PTGIS: variants seen among roughly 807,000 people sequenced by gnomAD.
PTGIS encodes the protein prostacyclin synthase.
Under a neutral mutation model 50.3 loss-of-function variants are expected in PTGIS, and 45 were observed. That is an observed-to-expected ratio of 0.90 (90% CI 0.70 to 1.15). The LOEUF (loss-of-function observed/expected upper bound fraction) is 1.15, where lower values mean the gene tolerates loss of function less well. Among genes scored for constraint, PTGIS ranks in the 50% most tolerant of loss-of-function variants. The probability of loss-of-function intolerance (pLI) is 0.00; values close to 1 mark genes in which losing one functional copy is unlikely to be tolerated. For missense variants in PTGIS, 668 were observed against 661.3 expected (o/e 1.01, Z -0.11); for synonymous variants, 260 against 267.7 (o/e 0.97, Z 0.28).
intron 7 of PTGIS, 48 bp from the exon 8 acceptor site, chr20:49,513,309 T>A (rs1215134086): frequency 6.3e-7 from 1 of 1,579,474 alleles, no homozygotes; most frequent in Non-Finnish European, 8.6e-7. Context: ...TCCCTTCACC[T>A]GCTCATATGC....
At chr20:49,567,577 A>G (rs993258342) in intron 1 of PTGIS, among the ~76,000 whole-genome samples, 3 of 152,172 alleles carry the variant, frequency 2.0e-5, no homozygotes, top group Non-Finnish European at 4.4e-5. Context: ...GGCTATCCCT[A>G]TAGGACTGCC....
intron 1 of PTGIS, among the ~76,000 whole-genome samples, chr20:49,556,778 T>C (rs1039898792): frequency 9.9e-5 from 15 of 152,190 alleles, no homozygotes; most frequent in African/African-American, 3.4e-4. Flanking sequence ...CTAATGTTTT[T>C]CCATTTTTAT....
At chr20:49,519,560 G>A (rs1375782793) in intron 6 of PTGIS, among the ~76,000 whole-genome samples, 2 of 151,000 alleles carry the variant, frequency 1.3e-5, no homozygotes, top group Non-Finnish European at 2.9e-5. Flanking sequence ...ACCCACCCTC[G>A]CCTGCAGTAT....
chr20:49,562,573 T>C (rs8125371), intron 1 of PTGIS, among the ~76,000 whole-genome samples: 2,774 of 152,188 alleles, frequency 0.018, 81 homozygotes, highest in African/African-American at 0.063. Context: ...CCACGGACAC[T>C]CTCACTTTTT....
At position 49,507,976 on chromosome 20, in the gene PTGIS, A is replaced by C; in HGVS notation, c.1447T>G (p.Phe483Val). ...IPEFDLSRYG[F>V]GLMQPEHDVP... ...TCGTGTTCCGGCTGCATCAGACCGA[A>C]GCCGTACCTGCTGAGGTCAAACTCA... Residue 483 changes from phenylalanine to valine, a missense_variant, in exon 10 of 10, where the codon TTC becomes GTC. Transcript: ENST00000244043. The C allele has an allele frequency of 6.2e-7, 1 of 1,613,906 alleles. No homozygotes were observed. Among genetic ancestry groups the C allele is most frequent in the Non-Finnish European group, 8.5e-7 (1 of 1,180,042 alleles).
rs554036565 is a variant in PTGIS, at chr20:49,511,045, C to T, written c.1341G>A (p.Ala447=). 30 of 1,613,598 alleles carry T rather than the reference C, an allele frequency of 1.9e-5. 1 individual carries two copies. In the African/African-American group the frequency reaches 1.9e-4, roughly 10 times the overall value. Residue 447 remains alanine (A), a synonymous_variant, in exon 9 of 10, where the codon GCG becomes GCA. Transcript: ENST00000244043. The part of the protein sequence containing the change: ...GHNHCLGRSY[A]VNSIKQFVFL... Reference sequence around the variant, plus strand: ...CCACTCACTGTTTGATGCTGTTGACCGCATAACTCCTCCCCAGGCAGTGAT... The same window carrying T: ...CCACTCACTGTTTGATGCTGTTGACTGCATAACTCCTCCCCAGGCAGTGAT...
intron 5 of PTGIS, among the ~76,000 whole-genome samples, chr20:49,525,831 G>C (rs1210116333): frequency 6.6e-6 from 1 of 152,114 alleles, no homozygotes; most frequent in East Asian, 1.9e-4. Flanking sequence ...GTTTCAGGAA[G>C]ACTCGCCCCA....
intron 6 of PTGIS, among the ~76,000 whole-genome samples, chr20:49,517,261 AAC>A (rs1360844860): frequency 3.3e-5 from 5 of 152,198 alleles, no homozygotes; most frequent in Admixed American, 2.0e-4. Flanking sequence ...TAAATAATTC[AAC>A]ACCAGCTTAG....
At chr20:49,537,298 G>A (rs548451647) in intron 5 of PTGIS, among the ~76,000 whole-genome samples, 2 of 152,300 alleles carry the variant, frequency 1.3e-5, no homozygotes, top group African/African-American at 4.8e-5. Flanking sequence ...CCCTGCACAC[G>A]GAATCAGCCA....
intron 5 of PTGIS, among the ~76,000 whole-genome samples, chr20:49,532,716 C>T (rs1024988677): frequency 5.9e-5 from 9 of 152,154 alleles, no homozygotes; most frequent in African/African-American, 2.2e-4. Context: ...AAATACAGAG[C>T]ACAAAGTTTG....
intron 5 of PTGIS, among the ~76,000 whole-genome samples, chr20:49,537,926 A>G (rs756666309): frequency 1.3e-5 from 2 of 152,092 alleles, no homozygotes; most frequent in Non-Finnish European, 2.9e-5. Context: ...ATTGTGGCAT[A>G]TTTCTTTAAT....
intron 6 of PTGIS, among the ~76,000 whole-genome samples, chr20:49,521,457 C>A (rs970877792): frequency 1.3e-5 from 2 of 152,232 alleles, no homozygotes; most frequent in Non-Finnish European, 2.9e-5. Context: ...GCCCAGCTCT[C>A]CTGGCCCTGC....
At chr20:49,509,431 A>C (rs1223536875) in intron 9 of PTGIS, among the ~76,000 whole-genome samples, 1 of 152,216 alleles carries the variant, frequency 6.6e-6, no homozygotes, top group South Asian at 2.1e-4. Context: ...AGTACCCGCT[A>C]TCTCTTTTTA....
chr20:49,551,783 T>C, intron 1 of PTGIS, among the ~76,000 whole-genome samples: 1 of 149,444 alleles, frequency 6.7e-6, no homozygotes, highest in East Asian at 1.9e-4. Flanking sequence ...CGTGTGTATG[T>C]GTGTGTATGC....
At position 49,514,413 on chromosome 20, in the gene PTGIS, C is replaced by T. The variant is rs752759541; in HGVS notation, c.856-18G>A. ...ATATTCCCCTGCAAGGAGAAGGGCCCCTGTTATGCCATTATGAGGGCAGAG... is the reference window on the plus strand; with the variant it reads ...ATATTCCCCTGCAAGGAGAAGGGCCTCTGTTATGCCATTATGAGGGCAGAG... On this transcript the variant is annotated intron_variant, in intron 6 of 9. Transcript: ENST00000244043. 1 of 1,612,074 alleles carries T rather than the reference C, an allele frequency of 6.2e-7. No homozygotes were observed. Among genetic ancestry groups the T allele is most frequent in the Non-Finnish European group, 8.5e-7 (1 of 1,179,736 alleles).
Position 49,568,048 on chromosome 20 carries a change from G to A in PTGIS, c.69C>T (p.Arg23=). The change falls in exon 1 of 10, where the codon CGC becomes CGT. Residue 23 remains arginine (R), a synonymous_variant. Transcript: ENST00000244043. ...LLLLLLLSRR[R]TRRPGEPPLD... Reference sequence around the variant, plus strand: ...GAGCGGAGCAGGACACTCACCGCGTGCGGCGGCGGCTCAGTAGCAGCAGCA... The same window carrying A: ...GAGCGGAGCAGGACACTCACCGCGTACGGCGGCGGCTCAGTAGCAGCAGCA... The A allele has an allele frequency of 6.8e-7, 1 of 1,479,260 alleles. No individual in the cohort carries two copies. Among genetic ancestry groups the A allele is most frequent in the Non-Finnish European group, 8.9e-7 (1 of 1,121,110 alleles). The allele number at this position is 1,479,260 out of a possible 1,614,324, so 91.6% of individuals were successfully genotyped here.
chr20:49,550,198 G>C lies in PTGIS; in HGVS notation c.75-9C>G. ...GAGGCTCACCAGGTCGCCTACAGAA[G>C]CCATGGCACTTGTCACCATTTGATA... On this transcript the variant is annotated splice_polypyrimidine_tract_variant and intron_variant, in intron 1 of 9. Coordinates refer to ENST00000244043, the MANE Select transcript of PTGIS (RefSeq NM_000961.4). 1 of 1,611,612 alleles carries C rather than the reference G, an allele frequency of 6.2e-7. No individual in the cohort carries two copies. The highest frequency in any genetic ancestry group is 8.5e-7 in the Non-Finnish European group (1 of 1,179,976).
At chr20:49,538,474 A>C (rs947516369) in intron 5 of PTGIS, among the ~76,000 whole-genome samples, 8 of 152,030 alleles carry the variant, frequency 5.3e-5, no homozygotes, top group Non-Finnish European at 1.2e-4. Context: ...ACCTGGATGA[A>C]TCTCCCAACA....
intron 5 of PTGIS, among the ~76,000 whole-genome samples, chr20:49,524,978 AAAC>A (rs1396343179): frequency 6.6e-6 from 1 of 152,250 alleles, no homozygotes; most frequent in South Asian, 2.1e-4. Flanking sequence ...AAGGAACACT[AAAC>A]ACTGAGCAGC....
Sources: gnomAD v4.1 joint callset for allele counts (sites outside exome capture counted in the v4.1 genomes callset) on GRCh38, gnomAD v4.1.1 for gene constraint, MANE v1.5 for transcripts, NCBI Gene and HGNC (gene_info 2026-07-23, HGNC 2026-07-21) for gene names.